AGBL4: variants seen among roughly 807,000 people sequenced by gnomAD.
AGBL4 encodes the protein AGBL carboxypeptidase 4.
Under a neutral mutation model 66.4 loss-of-function variants are expected in AGBL4, and 58 were observed. The observed-to-expected ratio is 0.87, with a 90% CI of 0.71 to 1.09. The LOEUF is 1.09. AGBL4 is among the 50% of genes least tolerant of loss of function. The pLI is 0.00. For missense variants in AGBL4, 579 were observed against 631.0 expected, an observed-to-expected ratio of 0.92 and a Z score of 0.88; for synonymous variants, 234 against 222.9, an observed-to-expected ratio of 1.05 and a Z score of -0.44.
intron 2 of AGBL4, among the ~76,000 whole-genome samples, chr1:49,790,379 AAAAG>A (rs1190524302): frequency 2.6e-5 from 4 of 151,716 alleles, no homozygotes; most frequent in African/African-American, 4.8e-5. Flanking sequence ...AAAAAAAAAA[AAAAG>A]AAGCTCAGTA....
chr1:49,590,990 T>C (rs576280807), intron 3 of AGBL4, among the ~76,000 whole-genome samples: 3 of 152,036 alleles, frequency 2.0e-5, no homozygotes, highest in Non-Finnish European at 4.4e-5. Context: ...TTACAAAAAT[T>C]AATAGGACTG....
intron 6 of AGBL4, among the ~76,000 whole-genome samples, chr1:48,806,985 C>T (rs76919079): frequency 0.07 from 10,622 of 152,106 alleles, 507 homozygotes; most frequent in East Asian, 0.17. Context: ...TGTGAATGAG[C>T]ATCTACTCTC....
chr1:49,848,105 A>G (rs947924124), intron 2 of AGBL4, among the ~76,000 whole-genome samples: 1 of 152,212 alleles, frequency 6.6e-6, no homozygotes, highest in South Asian at 2.1e-4. Context: ...ATTAAAAAGC[A>G]AAAAAATAAT....
At chr1:49,561,028 G>A (rs1354795543) in intron 3 of AGBL4, among the ~76,000 whole-genome samples, 1 of 152,078 alleles carries the variant, frequency 6.6e-6, no homozygotes, top group Non-Finnish European at 1.5e-5. Flanking sequence ...CAAACTCACT[G>A]CTAATAGTAA....
intron 6 of AGBL4, among the ~76,000 whole-genome samples, chr1:48,807,666 T>A (rs1645956382): frequency 6.6e-6 from 1 of 152,172 alleles, no homozygotes. Context: ...ACTCACATTT[T>A]CCTTTTATCC....
chr1:49,306,664 C>T (rs192899739), intron 3 of AGBL4, among the ~76,000 whole-genome samples: 7 of 152,264 alleles, frequency 4.6e-5, no homozygotes, highest in African/African-American at 1.2e-4. Flanking sequence ...ATTGACATCA[C>T]GTGACACATA....
intron 1 of AGBL4, among the ~76,000 whole-genome samples, chr1:49,988,295 T>C (rs913470445): frequency 6.6e-6 from 1 of 152,164 alleles, no homozygotes; most frequent in Non-Finnish European, 1.5e-5. Context: ...TTATCTAGAC[T>C]TTCCTAAGCA....
chr1:48,631,253 G>A (rs1645588042), intron 9 of AGBL4, among the ~76,000 whole-genome samples: 1 of 152,254 alleles, frequency 6.6e-6, no homozygotes, highest in Middle Eastern at 3.4e-3. Flanking sequence ...AAGCTCTTAG[G>A]GCAGATGCCT....
chr1:49,877,129 T>C (rs1196648441), intron 1 of AGBL4, among the ~76,000 whole-genome samples: 1 of 151,526 alleles, frequency 6.6e-6, no homozygotes, highest in East Asian at 1.9e-4. Flanking sequence ...CTTCCTCTTT[T>C]CCTAATTGAA....
At chr1:49,246,868 C>A (rs1236846568) in intron 3 of AGBL4, among the ~76,000 whole-genome samples, 1 of 151,884 alleles carries the variant, frequency 6.6e-6, no homozygotes, top group Non-Finnish European at 1.5e-5. Flanking sequence ...AAAAACAAAA[C>A]CATCAAAATT....
intron 6 of AGBL4, among the ~76,000 whole-genome samples, chr1:48,780,348 A>G (rs1477235832): frequency 6.6e-6 from 1 of 152,122 alleles, no homozygotes. Context: ...AAATGGTCAT[A>G]TTGCCCAAAG....
intron 2 of AGBL4, among the ~76,000 whole-genome samples, chr1:49,819,020 AT>A: frequency 6.6e-6 from 1 of 152,138 alleles, no homozygotes; most frequent in South Asian, 2.1e-4. Context: ...AGCTTCTAAT[AT>A]TTCCTCATCT....
chr1:49,241,945 C>T (rs1651273504), intron 4 of AGBL4, among the ~76,000 whole-genome samples: 1 of 151,852 alleles, frequency 6.6e-6, no homozygotes, highest in African/African-American at 2.4e-5. Flanking sequence ...TTATTTCTTC[C>T]ACCCGGAATC....
intron 2 of AGBL4, among the ~76,000 whole-genome samples, chr1:49,815,039 T>G (rs1035016070): frequency 9.2e-5 from 14 of 152,156 alleles, no homozygotes; most frequent in Non-Finnish European, 1.9e-4. Context: ...TATACTCTTT[T>G]AGTTATTTTA....
At chr1:49,222,477 A>C (rs1649575460) in intron 4 of AGBL4, among the ~76,000 whole-genome samples, 1 of 152,146 alleles carries the variant, frequency 6.6e-6, no homozygotes, top group South Asian at 2.1e-4. Flanking sequence ...ATTTACTTAA[A>C]CTCATCTAAT....
chr1:49,622,681 T>C lies in AGBL4; in HGVS notation c.282+74632A>G, dbSNP rs1055341624. Among the ~76,000 whole-genome samples, 13 of 149,548 alleles carry C rather than the reference T, an allele frequency of 8.7e-5. No homozygotes were observed. The East Asian group carries it at 2.6e-3, about 29-fold the overall frequency. On this transcript the variant is annotated intron_variant, in intron 3 of 13. Transcript: ENST00000371839. The stretch of plus-strand genomic sequence containing the variant: ...AAAAATGGGAATAATAATGCCTACC[T>C]TGCAGGGTCATTGTAAAGATCAAAT...
intron 2 of AGBL4, among the ~76,000 whole-genome samples, chr1:49,840,847 A>G (rs1266244188): frequency 2.0e-5 from 3 of 152,208 alleles, no homozygotes; most frequent in Non-Finnish European, 4.4e-5. Context: ...TCAAACAGAC[A>G]TACCTCAACA....
intron 4 of AGBL4, among the ~76,000 whole-genome samples, chr1:49,218,127 A>G (rs1649225672): frequency 6.6e-6 from 1 of 152,102 alleles, no homozygotes; most frequent in Non-Finnish European, 1.5e-5. Context: ...CTATCTGATA[A>G]CAGATTGAGA....
At chr1:49,506,080 C>G (rs938053097) in intron 3 of AGBL4, among the ~76,000 whole-genome samples, 1 of 151,730 alleles carries the variant, frequency 6.6e-6, no homozygotes, top group South Asian at 2.1e-4. Flanking sequence ...TATTGTATCT[C>G]TCTCAGGGAA....
Sources: gnomAD v4.1 joint callset for allele counts (sites outside exome capture counted in the v4.1 genomes callset) on GRCh38, gnomAD v4.1.1 for gene constraint, MANE v1.5 for transcripts, NCBI Gene and HGNC (gene_info 2026-07-23, HGNC 2026-07-21) for gene names.